HSPB2: variants seen among roughly 807,000 people sequenced by gnomAD.
HSPB2 encodes the protein heat shock protein beta-2.
HSPB2 carries 14 observed loss-of-function variants against 14.1 expected under a neutral mutation model. The ratio of observed to expected loss-of-function variants is 0.99; its 90% confidence interval spans 0.66 to 1.55. The LOEUF (loss-of-function observed/expected upper bound fraction) is 1.55. HSPB2 is among the 40% of genes most tolerant of loss of function. The pLI, the probability that HSPB2 is intolerant of heterozygous loss-of-function variation, is 0.00. For missense variants in HSPB2, 242 were observed against 241.7 expected (o/e 1.00, Z -0.01); for synonymous variants, 110 against 103.4 (o/e 1.06, Z -0.39).
At chr11:111,913,004 CACCCCACTCTGGGCTT>C in intron 1 of HSPB2, 81 bp downstream of exon 1, 1 of 1,059,892 alleles carries the variant, frequency 9.4e-7, no homozygotes, top group Non-Finnish European at 1.4e-6. Flanking sequence ...TGCTGGCCTC[CACCCCACTCTGGGCTT>C]AACTGATCTC....
In HSPB2 at chr11:111,913,690, G is replaced by A. The variant is rs983384295; in HGVS notation, c.344G>A (p.Arg115Gln). 2.0e-5 allele frequency: 32 copies of A among 1,614,000 alleles called. No individual in the cohort carries two copies. The highest frequency in any genetic ancestry group is 2.3e-5 in the Non-Finnish European group (27 of 1,180,030). ...QRLDRHGFVS[R>Q]EFCRTYVLPA... ...CTGGACCGCCACGGCTTCGTGTCCC[G>A]AGAGTTCTGCCGCACCTATGTCCTG... Residue 115 changes from arginine to glutamine, a missense_variant, in exon 2 of 2, where the codon CGA becomes CAA. Coordinates refer to ENST00000304298, the MANE Select transcript of HSPB2 (RefSeq NM_001541.4).
At position 111,913,457 on chromosome 11, in the gene HSPB2, G is replaced by C. The variant is rs145827670; in HGVS notation, c.111G>C (p.Glu37Asp). Reference protein sequence around the residue: ...QRFGEGLLPEEILTPTLYHGY... With the variant: ...QRFGEGLLPEDILTPTLYHGY... ...GCCCTTTAGGCCTCCTGCCAGAAGA[G>C]ATCCTGACCCCCACACTCTACCATG... Residue 37 changes from glutamate (E) to aspartate (D), a missense_variant, in exon 2 of 2, where the codon GAG (glutamate) becomes GAC (aspartate). Physicochemically the swap from Glu to Asp is conservative, Grantham distance 45. Transcript: ENST00000304298. 2 of 1,609,532 alleles carry C rather than the reference G, an allele frequency of 1.2e-6. No individual in the cohort carries two copies. Among genetic ancestry groups the C allele is most frequent in the African/African-American group, 1.3e-5 (1 of 75,016 alleles).
chr11:111,913,428 C>G lies in HSPB2; in HGVS notation c.95-13C>G. The G allele has an allele frequency of 6.3e-7, 1 of 1,593,402 alleles. No individual in the cohort carries two copies. Among genetic ancestry groups the G allele is most frequent in the Non-Finnish European group, 8.5e-7 (1 of 1,172,350 alleles). On this transcript the variant is annotated splice_polypyrimidine_tract_variant and intron_variant, in intron 1 of 1. Transcript: ENST00000304298. ...TCCCTCATCCTGCCTCTTGCCTTCT[C>G]TCTGCCCTTTAGGCCTCCTGCCAGA...
At chr11:111,912,947 T>TCCCCCCCCCCC in intron 1 of HSPB2, 24 bp downstream of exon 1, 4 of 1,143,324 alleles carry the variant, frequency 3.5e-6, no homozygotes, top group Admixed American at 2.4e-5. Context: ...ACCACCCCCT[T>TCCCCCCCCCCC]GCCCCCCACC....
At chr11:111,912,996 C>T in intron 1 of HSPB2, 73 bp downstream of exon 1, 1 of 1,064,652 alleles carries the variant, frequency 9.4e-7, no homozygotes, top group Non-Finnish European at 1.3e-6. Flanking sequence ...CCCAACGTTG[C>T]TGGCCTCCAC....
Position 111,913,478 on chromosome 11 carries a change from C to A in HSPB2, c.132C>A (p.Tyr44Ter), listed in dbSNP as rs1555165849. The change falls in exon 2 of 2, where the codon TAC becomes TAA. Residue 44 changes from tyrosine to a stop codon, truncating the protein, a stop_gained. Coordinates refer to ENST00000304298, the MANE Select transcript of HSPB2 (RefSeq NM_001541.4). LOFTEE classifies it high-confidence loss of function. ...AAGAGATCCTGACCCCCACACTCTACCATGGCTACTATGTCCGGCCTCGGG... is the reference window on the plus strand; with the variant it reads ...AAGAGATCCTGACCCCCACACTCTAACATGGCTACTATGTCCGGCCTCGGG... ...LPEEILTPTL[Y>*]HGYYVRPRAA... The A allele has an allele frequency of 1.9e-6, 3 of 1,612,536 alleles. No homozygotes were observed. In the Admixed American group the frequency reaches 5.0e-5, roughly 27 times the overall value.
chr11:111,913,408 C>T (rs1965533645), intron 1 of HSPB2, 33 bp from the exon 2 acceptor site: 2 of 1,534,430 alleles, frequency 1.3e-6, no homozygotes, highest in South Asian at 1.2e-5. Context: ...CATCCTCCCT[C>T]ATCCTGCCTC....
rs556929117 is a variant in HSPB2, at chr11:111,913,381, C to T, written c.95-60C>T. 2.2e-5 allele frequency: 29 copies of T among 1,320,124 alleles called. No homozygotes were observed. The African/African-American group carries it at 3.6e-4, about 17-fold the overall frequency. The allele number at this position is 1,320,124 out of a possible 1,614,324, so 81.8% of individuals were successfully genotyped here. The stretch of plus-strand genomic sequence containing the variant: ...TCCCTCCTCTCCAGATTTCCCATTT[C>T]GCCCCTGTGCCAGCCTCATCCTCCC... On this transcript the variant is annotated intron_variant, in intron 1 of 1. Coordinates refer to ENST00000304298, the MANE Select transcript of HSPB2 (RefSeq NM_001541.4).
rs1451419961 is a variant in HSPB2, at chr11:111,913,994, G to A, written c.*99G>A. 4 of 1,049,956 alleles carry A rather than the reference G, an allele frequency of 3.8e-6. No homozygotes were observed. The highest frequency in any genetic ancestry group is 3.2e-5 in the African/African-American group (2 of 62,716). The allele number at this position is 1,049,956 out of a possible 1,614,324, so 65.0% of individuals were successfully genotyped here. On this transcript the variant is annotated 3_prime_UTR_variant, in exon 2 of 2. Coordinates refer to ENST00000304298, the MANE Select transcript of HSPB2 (RefSeq NM_001541.4). ...GAGGTAGCAGCATCCTTGGGGGAAG[G>A]GAAAGGTGCATGGTCCACAATGTAT...
At position 111,913,235 on chromosome 11, in the gene HSPB2, C is replaced by T. The variant is rs552715511; in HGVS notation, c.95-206C>T. 1.5e-4 allele frequency: 91 copies of T among 612,544 alleles called. 1 individual carries two copies. In the East Asian group the frequency reaches 2.5e-3, roughly 17 times the overall value. The allele number at this position is 612,544 out of a possible 1,614,324, so 37.9% of individuals were successfully genotyped here. A position where few individuals can be genotyped will look rare whatever the true frequency, so the allele number is the denominator to read the frequency against. Reference sequence around the variant, plus strand: ...TCCTCCCCCTCCTCCTCCTTCTCCTCCTCCTCCTCCCTTTCCTTTCCGTTC... The same window carrying T: ...TCCTCCCCCTCCTCCTCCTTCTCCTTCTCCTCCTCCCTTTCCTTTCCGTTC... On this transcript the variant is annotated intron_variant, in intron 1 of 1. Coordinates refer to ENST00000304298, the MANE Select transcript of HSPB2 (RefSeq NM_001541.4).
chr11:111,913,925 C>T lies in HSPB2; in HGVS notation c.*30C>T, dbSNP rs1797539465. The T allele has an allele frequency of 6.4e-7, 1 of 1,560,436 alleles. No individual in the cohort carries two copies. Among genetic ancestry groups the T allele is most frequent in the African/African-American group, 1.4e-5 (1 of 73,968 alleles). ...CACAGACCCAGCACCCAGCAAATCC[C>T]TCTCTACCTCCCAAGGTGATATGGG... On this transcript the variant is annotated 3_prime_UTR_variant, in exon 2 of 2. Coordinates refer to ENST00000304298, the MANE Select transcript of HSPB2 (RefSeq NM_001541.4).
At chr11:111,912,947 T>TGGG (rs2137388204) in intron 1 of HSPB2, 24 bp downstream of exon 1, 3 of 1,143,258 alleles carry the variant, frequency 2.6e-6, no homozygotes, top group Non-Finnish European at 3.5e-6. Context: ...ACCACCCCCT[T>TGGG]GCCCCCCACC....
chr11:111,913,197 T>C (rs760785788), intron 1 of HSPB2: 36 of 602,912 alleles, frequency 6.0e-5, no homozygotes, highest in Non-Finnish European at 1.0e-4. Flanking sequence ...CCAGGCCGTT[T>C]GGTGCCTCCT....
Position 111,913,570 on chromosome 11 carries a change from A to G in HSPB2, c.224A>G (p.Gln75Arg). 2 of 1,614,140 alleles carry G rather than the reference A, an allele frequency of 1.2e-6. No homozygotes were observed. Among genetic ancestry groups the G allele is most frequent in the Non-Finnish European group, 1.7e-6 (2 of 1,180,012 alleles). Residue 75 changes from glutamine (Q) to arginine (R), a missense_variant, in exon 2 of 2, where the codon CAG becomes CGG. By Grantham distance (43) the Gln-to-Arg change is conservative (BLOSUM62 1). Transcript: ENST00000304298. ...SELRLSEGKF[Q>R]AFLDVSHFTP... ...CTTAGGCTCAGTGAGGGCAAGTTCCAGGCATTTCTGGATGTGAGCCACTTT... is the reference window on the plus strand; with the variant it reads ...CTTAGGCTCAGTGAGGGCAAGTTCCGGGCATTTCTGGATGTGAGCCACTTT...
intron 1 of HSPB2, chr11:111,913,170 G>T: frequency 1.7e-6 from 1 of 600,656 alleles, no homozygotes; most frequent in Non-Finnish European, 3.0e-6. Context: ...GTGCCTCCTT[G>T]TCCCCCTTCT....
chr11:111,913,730 C>G lies in HSPB2; in HGVS notation c.384C>G (p.Asp128Glu), dbSNP rs1965547063. The G allele has an allele frequency of 6.2e-7, 1 of 1,614,086 alleles. No homozygotes were observed. Among genetic ancestry groups the G allele is most frequent in the Non-Finnish European group, 8.5e-7 (1 of 1,180,038 alleles). ...CCTATGTCCTGCCTGCTGATGTCGA[C>G]CCCTGGCGAGTCCGAGCTGCTCTCT... ...CRTYVLPADVDPWRVRAALSH... is the reference protein window; with the variant it reads ...CRTYVLPADVEPWRVRAALSH... Residue 128 changes from aspartate to glutamate, a missense_variant, in exon 2 of 2, where the codon GAC becomes GAG. By Grantham distance (45) the Asp-to-Glu change is conservative. Coordinates refer to ENST00000304298, the MANE Select transcript of HSPB2 (RefSeq NM_001541.4).
At position 111,913,689 on chromosome 11, in the gene HSPB2, C is replaced by T. The variant is rs950685918; in HGVS notation, c.343C>T (p.Arg115Ter). The T allele has an allele frequency of 4.3e-6, 7 of 1,614,066 alleles. No individual in the cohort carries two copies. Among genetic ancestry groups the T allele is most frequent in the Middle Eastern group, 1.6e-4 (1 of 6,084 alleles). The change falls in exon 2 of 2, where the codon CGA (arginine) becomes TGA (stop). Residue 115 changes from arginine to a stop codon, truncating the protein, a stop_gained. Transcript: ENST00000304298. LOFTEE classifies it high-confidence loss of function. ...CCTGGACCGCCACGGCTTCGTGTCC[C>T]GAGAGTTCTGCCGCACCTATGTCCT... The part of the protein sequence containing the change: ...QRLDRHGFVS[R>*]EFCRTYVLPA...
chr11:111,912,940 A>G lies in HSPB2; in HGVS notation c.94+17A>G. ...TCGGAGAAGGTATGGCACAGACACC[A>G]CCCCCTTGCCCCCCACCCCCACCCC... On this transcript the variant is annotated intron_variant, in intron 1 of 1. Transcript: ENST00000304298. 1 of 1,383,064 alleles carries G rather than the reference A, an allele frequency of 7.2e-7. No individual in the cohort carries two copies. The highest frequency in any genetic ancestry group is 1.7e-5 in the African/African-American group (1 of 59,758). The allele number at this position is 1,383,064 out of a possible 1,614,324, so 85.7% of individuals were successfully genotyped here.
Position 111,913,588 on chromosome 11 carries a change from G to A in HSPB2, c.242G>A (p.Ser81Asn). Residue 81 changes from serine to asparagine, a missense_variant, in exon 2 of 2, where the codon AGC becomes AAC. Ser to Asn is a conservative substitution (Grantham distance 46, BLOSUM62 1). Transcript: ENST00000304298. ...EGKFQAFLDVSHFTPDEVTVR... is the reference protein window; with the variant it reads ...EGKFQAFLDVNHFTPDEVTVR... ...AAGTTCCAGGCATTTCTGGATGTGA[G>A]CCACTTTACCCCAGACGAGGTGACT... The A allele has an allele frequency of 6.2e-7, 1 of 1,614,198 alleles. No homozygotes were observed. Among genetic ancestry groups the A allele is most frequent in the Non-Finnish European group, 8.5e-7 (1 of 1,180,034 alleles).
Sources: allele counts gnomAD v4.1 joint callset, GRCh38; gene constraint gnomAD v4.1.1; transcripts MANE v1.5; gene names NCBI Gene and HGNC (gene_info 2026-07-23, HGNC 2026-07-21).